TACC1: variants seen among roughly 807,000 people sequenced by gnomAD.
The protein encoded by TACC1 is transforming acidic coiled-coil-containing protein 1.
In TACC1, 48 loss-of-function variants were observed where a neutral mutation model predicts 84.4. That is an observed-to-expected ratio of 0.57 (90% CI 0.45 to 0.72). TACC1 has a LOEUF of 0.72. Ranked by LOEUF, TACC1 falls within the 30% of genes least tolerant of loss-of-function variation. The pLI is 0.00. For synonymous variants in TACC1, 372 were observed against 376.3 expected (o/e 0.99, Z 0.13); for missense variants, 920 against 973.0 (o/e 0.95, Z 0.72).
intron 1 of TACC1, among the ~76,000 whole-genome samples, chr8:38,735,666 G>A (rs934991004): frequency 4.6e-5 from 7 of 152,278 alleles, no homozygotes; most frequent in Admixed American, 1.3e-4. Flanking sequence ...ATCTCCTACA[G>A]TGGGCAGCCC....
chr8:38,729,918 T>G (rs1804593361), intron 1 of TACC1, among the ~76,000 whole-genome samples: 2 of 152,140 alleles, frequency 1.3e-5, no homozygotes, highest in Admixed American at 6.5e-5. Context: ...AGGACATCCT[T>G]GCTCCTTGGA....
intron 3 of TACC1, among the ~76,000 whole-genome samples, chr8:38,754,024 G>A (rs563245680): frequency 1.0e-4 from 15 of 149,476 alleles, no homozygotes; most frequent in African/African-American, 2.5e-4. Context: ...CACGATCTCC[G>A]TTCATTGCAA....
Position 38,820,263 on chromosome 8 carries a change from A to G in TACC1, c.1019A>G (p.Lys340Arg). Residue 340 changes from lysine (K) to arginine (R), a missense_variant, in exon 3 of 13, where the codon AAG becomes AGG. Lys to Arg is a conservative substitution (Grantham distance 26, BLOSUM62 2). Coordinates refer to ENST00000317827, the MANE Select transcript of TACC1 (RefSeq NM_006283.3). ...NIEARKALPRKLGRKLGSTLT... is the reference protein window; with the variant it reads ...NIEARKALPRRLGRKLGSTLT... ...GAGGCCAGGAAAGCCCTTCCAAGGA[A>G]GCTTGGCAGGAAACTGGGTAGCACA... is the stretch of plus-strand genomic sequence containing the variant. 1 of 1,614,178 alleles carries G rather than the reference A, an allele frequency of 6.2e-7. No individual in the cohort carries two copies. Among genetic ancestry groups the G allele is most frequent in the Non-Finnish European group, 8.5e-7 (1 of 1,180,034 alleles).
rs867696073 is a variant in TACC1 at position 38,790,491 on chromosome 8, T to C, written c.277+1672T>C. 4.6e-5 allele frequency among the ~76,000 whole-genome samples: 7 copies of C among 152,330 alleles called. No homozygotes were observed. The Middle Eastern group carries it at 0.01, about 222-fold the overall frequency. ...GGGCTGCTGTGTGGAGAAGGGACTC[T>C]AGGATGGAAGTCCTTTTTATGTGGT... On this transcript the variant is annotated intron_variant, in intron 2 of 12. Coordinates refer to ENST00000317827, the MANE Select transcript of TACC1 (RefSeq NM_006283.3).
At chr8:38,779,477 C>T (rs1301240409) in intron 3 of TACC1, among the ~76,000 whole-genome samples, 1 of 152,246 alleles carries the variant, frequency 6.6e-6, no homozygotes, top group East Asian at 1.9e-4. Flanking sequence ...CCCTTTTCCA[C>T]CCTCCGGGTG....
chr8:38,823,876 A>G, intron 3 of TACC1: 2 of 697,846 alleles, frequency 2.9e-6, no homozygotes, highest in Admixed American at 2.1e-5. Context: ...CCTCATAGAA[A>G]GAATTGTGCA....
At chr8:38,847,193 T>A (rs951933997) in intron 12 of TACC1, among the ~76,000 whole-genome samples, 4 of 152,182 alleles carry the variant, frequency 2.6e-5, no homozygotes, top group South Asian at 2.1e-4. Context: ...TTGGGGGCAG[T>A]TTTGCCCTCC....
At chr8:38,753,538 T>A (rs1405382696) in intron 3 of TACC1, among the ~76,000 whole-genome samples, 7 of 152,242 alleles carry the variant, frequency 4.6e-5, no homozygotes, top group Non-Finnish European at 4.4e-5. Context: ...GAGAAACAGA[T>A]CTTGGTTCTG....
chr8:38,845,446 C>G (rs1022298300), intron 11 of TACC1, among the ~76,000 whole-genome samples: 1 of 150,864 alleles, frequency 6.6e-6, no homozygotes, highest in East Asian at 2.0e-4. Flanking sequence ...TTTATAAATA[C>G]TATGATTTTG....
chr8:38,745,233 A>G (rs1807840072), exon 3 of TACC1: 4 of 429,730 alleles, frequency 9.3e-6, no homozygotes, highest in East Asian at 7.3e-5. Flanking sequence ...AAAGATCTGC[A>G]CTCAGAGTAG....
intron 8 of TACC1, among the ~76,000 whole-genome samples, chr8:38,839,019 C>T (rs1830734366): frequency 6.6e-6 from 1 of 152,028 alleles, no homozygotes; most frequent in Non-Finnish European, 1.5e-5. Context: ...CCCTCTGCCT[C>T]CCAAGTAGCT....
intron 2 of TACC1, among the ~76,000 whole-genome samples, chr8:38,802,977 C>T (rs996513961): frequency 3.3e-5 from 5 of 152,148 alleles, no homozygotes; most frequent in Admixed American, 1.3e-4. Context: ...GACAAATATC[C>T]GAACTACATC....
chr8:38,758,642 G>C (rs893244017), intron 3 of TACC1, among the ~76,000 whole-genome samples: 2 of 127,474 alleles, frequency 1.6e-5, no homozygotes, highest in African/African-American at 5.9e-5. Flanking sequence ...TCGGGCCACT[G>C]CACTCCAGCC....
At chr8:38,745,429 G>T (rs774831145) in exon 3 of TACC1, 6 of 655,996 alleles carry the variant, frequency 9.1e-6, no homozygotes, top group East Asian at 2.8e-5. Flanking sequence ...AAAATGGAAC[G>T]TAGTCTTAAG....
intron 4 of TACC1, among the ~76,000 whole-genome samples, chr8:38,826,029 C>G (rs944982059): frequency 1.3e-5 from 2 of 152,100 alleles, no homozygotes; most frequent in Admixed American, 6.5e-5. Flanking sequence ...CAAAACAAAG[C>G]GAAGCCCAGG....
At chr8:38,778,933 C>G (rs1236778956) in intron 3 of TACC1, among the ~76,000 whole-genome samples, 3 of 150,192 alleles carry the variant, frequency 2.0e-5, no homozygotes, top group Non-Finnish European at 4.4e-5. Context: ...TTTTTTGTGC[C>G]TTTGAGGATT....
upstream of TACC1, among the ~76,000 whole-genome samples, chr8:38,782,298 A>G (rs1389081440): frequency 1.3e-5 from 2 of 151,652 alleles, no homozygotes; most frequent in Non-Finnish European, 2.9e-5. Context: ...GCGATAGTTT[A>G]CTGAGAATGA....
intron 3 of TACC1, among the ~76,000 whole-genome samples, chr8:38,773,543 AC>A (rs1209440219): frequency 7.1e-6 from 1 of 140,230 alleles, no homozygotes; most frequent in Non-Finnish European, 1.6e-5. Context: ...GTACTTATTC[AC>A]TATTTGTGTA....
At chr8:38,737,957 C>T (rs1806297088) in intron 1 of TACC1, among the ~76,000 whole-genome samples, 1 of 151,928 alleles carries the variant, frequency 6.6e-6, no homozygotes, top group African/African-American at 2.4e-5. Context: ...AAACTTCTGA[C>T]CTCAGGTGAT....
Sources: allele counts gnomAD v4.1 joint callset (sites outside exome capture counted in the v4.1 genomes callset), GRCh38; gene constraint gnomAD v4.1.1; transcripts MANE v1.5; gene names NCBI Gene and HGNC (gene_info 2026-07-23, HGNC 2026-07-21).